The following LRRC4C variants were observed in gnomAD, a reference collection of about 807,000 sequenced individuals.
LRRC4C encodes leucine rich repeat containing 4C.
A neutral mutation model predicts 33.6 loss-of-function variants in LRRC4C; 5 were observed. The ratio of observed to expected loss-of-function variants is 0.15; its 90% CI spans 0.08 to 0.31. The LOEUF (loss-of-function observed/expected upper bound fraction) is 0.31, where lower values mean the gene tolerates loss of function less well. LRRC4C is among the 10% of genes least tolerant of loss of function. The pLI is 1.00. For synonymous variants in LRRC4C, 329 were observed against 302.0 expected (o/e 1.09, Z -0.93); for missense variants, 560 against 796.7 (o/e 0.70, Z 3.58).
chr11:41,156,858 C>T (rs1220445632), intron 1 of LRRC4C, among the ~76,000 whole-genome samples: 1 of 151,884 alleles, frequency 6.6e-6, no homozygotes, highest in Non-Finnish European at 1.5e-5. Flanking sequence ...GTTTTTGTCC[C>T]CTTTAAAACT....
At chr11:40,909,536 T>C (rs1956571957) in intron 2 of LRRC4C, among the ~76,000 whole-genome samples, 1 of 152,108 alleles carries the variant, frequency 6.6e-6, no homozygotes, top group Admixed American at 6.6e-5. Context: ...GGGTGGTATA[T>C]TCACAGATAA....
intron 2 of LRRC4C, among the ~76,000 whole-genome samples, chr11:40,913,183 T>C (rs1956778423): frequency 6.6e-6 from 1 of 152,188 alleles, no homozygotes; most frequent in Non-Finnish European, 1.5e-5. Context: ...AACTCAGCTC[T>C]GCACCAAGTG....
At chr11:40,661,346 A>C (rs2136211690) in intron 2 of LRRC4C, among the ~76,000 whole-genome samples, 1 of 152,358 alleles carries the variant, frequency 6.6e-6, no homozygotes, top group East Asian at 1.9e-4. Flanking sequence ...CACCTGCCTA[A>C]GAAAGCATCA....
intron 3 of LRRC4C, among the ~76,000 whole-genome samples, chr11:40,520,191 G>T (rs750144343): frequency 2.0e-5 from 3 of 152,150 alleles, no homozygotes; most frequent in African/African-American, 7.2e-5. Flanking sequence ...CATTGACAAC[G>T]CATTTAGTTA....
At chr11:40,161,798 C>T (rs992914319) in intron 5 of LRRC4C, among the ~76,000 whole-genome samples, 6 of 152,018 alleles carry the variant, frequency 3.9e-5, no homozygotes, top group African/African-American at 1.2e-4. Context: ...TAAGTTCTGT[C>T]ATATAATCTA....
intron 1 of LRRC4C, among the ~76,000 whole-genome samples, chr11:41,060,007 A>T (rs554223172): frequency 2.0e-5 from 3 of 152,328 alleles, no homozygotes; most frequent in African/African-American, 7.2e-5. Flanking sequence ...CCTGGGTGAC[A>T]GAGTGAGACT....
chr11:41,377,024 A>G (rs2137843495), intron 1 of LRRC4C, among the ~76,000 whole-genome samples: 1 of 152,262 alleles, frequency 6.6e-6, no homozygotes, highest in Middle Eastern at 3.4e-3. Flanking sequence ...TGAAGTCTGA[A>G]CTAAATATTT....
At chr11:40,795,632 A>T (rs1487309036) in intron 2 of LRRC4C, among the ~76,000 whole-genome samples, 1 of 152,190 alleles carries the variant, frequency 6.6e-6, no homozygotes, top group Admixed American at 6.5e-5. Context: ...GTTAGGTAGA[A>T]ATTTTGACAT....
At chr11:40,582,090 A>G (rs1039647156) in intron 3 of LRRC4C, among the ~76,000 whole-genome samples, 6 of 152,142 alleles carry the variant, frequency 3.9e-5, no homozygotes, top group African/African-American at 1.4e-4. Context: ...CAAACAGAAA[A>G]TATTTATGTG....
At chr11:40,408,709 A>G (rs376723879) in intron 3 of LRRC4C, among the ~76,000 whole-genome samples, 1 of 152,086 alleles carries the variant, frequency 6.6e-6, no homozygotes, top group East Asian at 1.9e-4. Flanking sequence ...TTTGTGACAC[A>G]TGATAATATT....
intron 2 of LRRC4C, among the ~76,000 whole-genome samples, chr11:40,709,516 A>T (rs1008789048): frequency 1.3e-5 from 2 of 152,078 alleles, no homozygotes; most frequent in Non-Finnish European, 2.9e-5. Flanking sequence ...TTTCTTTAAG[A>T]ATGTTGAATA....
chr11:41,369,390 T>TGG (rs1446001123), intron 1 of LRRC4C, among the ~76,000 whole-genome samples: 3 of 151,492 alleles, frequency 2.0e-5, no homozygotes, highest in Admixed American at 2.0e-4. Context: ...GGGTGGAGGG[T>TGG]AGAGGGTGAG....
At chr11:40,868,776 G>T (rs1289591994) in intron 2 of LRRC4C, among the ~76,000 whole-genome samples, 1 of 152,108 alleles carries the variant, frequency 6.6e-6, no homozygotes, top group African/African-American at 2.4e-5. Context: ...TTTAAAGAAA[G>T]AATTCAAAAC....
chr11:41,122,016 T>C (rs1429919786), intron 1 of LRRC4C, among the ~76,000 whole-genome samples: 1 of 152,044 alleles, frequency 6.6e-6, no homozygotes, highest in Admixed American at 6.6e-5. Context: ...AAGAAAAATG[T>C]AGAATAACGT....
intron 1 of LRRC4C, among the ~76,000 whole-genome samples, chr11:41,169,046 T>A (rs1464520472): frequency 6.6e-6 from 1 of 152,186 alleles, no homozygotes; most frequent in African/African-American, 2.4e-5. Context: ...TTAACTAACT[T>A]TCTCAGCATT....
intron 4 of LRRC4C, among the ~76,000 whole-genome samples, chr11:40,309,319 T>G (rs1945189570): frequency 1.3e-5 from 2 of 152,340 alleles, no homozygotes; most frequent in East Asian, 3.9e-4. Context: ...TGTGTGGTCT[T>G]GTGTGTCTGG....
chr11:40,731,224 C>G (rs1214772078), intron 2 of LRRC4C, among the ~76,000 whole-genome samples: 1 of 152,052 alleles, frequency 6.6e-6, no homozygotes, highest in African/African-American at 2.4e-5. Context: ...GAGGCTGAGG[C>G]AGGAGAATGG....
chr11:40,271,453 T>C (rs1942692254), intron 4 of LRRC4C, among the ~76,000 whole-genome samples: 1 of 152,168 alleles, frequency 6.6e-6, no homozygotes. Context: ...TAAAACTCTA[T>C]GTAGAAGGGA....
At chr11:41,287,520 A>T (rs1180337636) in intron 1 of LRRC4C, among the ~76,000 whole-genome samples, 1 of 152,108 alleles carries the variant, frequency 6.6e-6, no homozygotes, top group Non-Finnish European at 1.5e-5. Context: ...TATAAAATCT[A>T]TAGGGATCTT....
Sources: allele counts gnomAD v4.1 joint callset (sites outside exome capture counted in the v4.1 genomes callset), GRCh38; gene constraint gnomAD v4.1.1; transcripts MANE v1.5; gene names NCBI Gene and HGNC (gene_info 2026-07-23, HGNC 2026-07-21).